Variants in MRTFB observed in about 807,000 individuals in gnomAD.
MRTFB encodes the protein myocardin related transcription factor B.
Under a neutral mutation model 104.2 loss-of-function variants are expected in MRTFB, and 29 were observed. The ratio of observed to expected loss-of-function variants is 0.28; its 90% CI spans 0.21 to 0.38. MRTFB has a LOEUF of 0.38. MRTFB is among the 10% of genes least tolerant of loss of function. The pLI, the probability that MRTFB is intolerant of heterozygous loss-of-function variation, is 1.00. For synonymous variants in MRTFB, 535 were observed against 519.5 expected, an observed-to-expected ratio of 1.03 and a Z score of -0.41; for missense variants, 1,270 against 1,341.6, an observed-to-expected ratio of 0.95 and a Z score of 0.83.
chr16:14,237,747 C>T (rs73518932), intron 9 of MRTFB, among the ~76,000 whole-genome samples: 9 of 151,946 alleles, frequency 5.9e-5, no homozygotes, highest in Admixed American at 3.9e-4. Context: ...CGCAGAGTCT[C>T]GGTGCAGGCA....
chr16:14,224,216 C>CCAACA (rs1336904778), intron 8 of MRTFB, among the ~76,000 whole-genome samples: 1 of 152,182 alleles, frequency 6.6e-6, no homozygotes, highest in Non-Finnish European at 1.5e-5. Context: ...GGCCCCTCTT[C>CCAACA]CAACACTTGG....
intron 2 of MRTFB, among the ~76,000 whole-genome samples, chr16:14,109,046 A>G (rs761147934): frequency 2.0e-5 from 3 of 152,178 alleles, no homozygotes; most frequent in Admixed American, 1.3e-4. Flanking sequence ...TAGCAAAATT[A>G]TTAGAAGAAA....
the MRTFB span, among the ~76,000 whole-genome samples, chr16:14,016,429 A>T: frequency 6.6e-6 from 1 of 151,900 alleles, no homozygotes; most frequent in African/African-American, 2.4e-5. Flanking sequence ...ACCCTCCATC[A>T]GTAACTATCG....
intron 2 of MRTFB, among the ~76,000 whole-genome samples, chr16:14,085,563 G>A (rs758422081): frequency 1.3e-5 from 2 of 149,818 alleles, no homozygotes; most frequent in Non-Finnish European, 3.0e-5. Flanking sequence ...AGTTAACATT[G>A]TTGACCATAT....
chr16:14,018,729 G>A, the MRTFB span, among the ~76,000 whole-genome samples: 4 of 152,090 alleles, frequency 2.6e-5, no homozygotes, highest in East Asian at 3.9e-4. Context: ...GGATCATTGC[G>A]CTTTCAAAGT....
At position 14,261,684 on chromosome 16, in the gene MRTFB, G is replaced by A. The variant is rs999428614; in HGVS notation, c.*240G>A. The A allele has an allele frequency of 2.0e-5, 9 of 446,382 alleles. No individual in the cohort carries two copies. The South Asian group carries it at 3.3e-4, about 16-fold the overall frequency. The allele number at this position is 446,382 out of a possible 1,614,324, so 27.7% of individuals were successfully genotyped here. On this transcript the variant is annotated 3_prime_UTR_variant, in exon 17 of 17. Transcript: ENST00000571589. ...TCTGAAAATCGCACTTGTCAAAGAC[G>A]ACTCATCTATTTCTCCAGACTTCAG...
chr16:14,200,181 A>G (rs1480659719), intron 3 of MRTFB: 15 of 858,306 alleles, frequency 1.7e-5, no homozygotes, highest in Non-Finnish European at 2.6e-5. Flanking sequence ...ATGAATGAGG[A>G]TATTCATTAT....
At chr16:14,050,192 T>C in the MRTFB span, among the ~76,000 whole-genome samples, 1,542 of 152,154 alleles carry the variant, frequency 0.01, 15 homozygotes, top group Non-Finnish European at 0.017. Flanking sequence ...CACAGAAATG[T>C]GGCAAAAATG....
At position 14,251,879 on chromosome 16, in the gene MRTFB, A is replaced by T. The variant is rs781129049; in HGVS notation, c.2421A>T (p.Ala807=). Residue 807 remains alanine, a synonymous_variant, in exon 14 of 17, where the codon GCA becomes GCT. Coordinates refer to ENST00000571589, the MANE Select transcript of MRTFB (RefSeq NM_001308142.2). Reference sequence around the variant, plus strand: ...CATTACAGGTTTTCACAAACTCAGCATCATCAAATACAGTTCTTCCATATC... The same window carrying T: ...CATTACAGGTTTTCACAAACTCAGCTTCATCAAATACAGTTCTTCCATATC... ...QQVRKVFTNS[A]SSNTVLPYQR... 6.2e-7 allele frequency: 1 copy of T among 1,614,082 alleles called. No homozygotes were observed. The highest frequency in any genetic ancestry group is 1.1e-5 in the South Asian group (1 of 91,076).
At chr16:14,246,035 G>T (rs1383573674) in intron 11 of MRTFB, among the ~76,000 whole-genome samples, 1 of 151,922 alleles carries the variant, frequency 6.6e-6, no homozygotes, top group Admixed American at 6.5e-5. Flanking sequence ...ATTATCTGTG[G>T]TACCTTCAGT....
At chr16:14,143,758 TA>T (rs1278187485) in intron 3 of MRTFB, 3 of 152,150 alleles carry the variant, frequency 2.0e-5, no homozygotes, top group African/African-American at 7.2e-5. Flanking sequence ...CTCTATAACA[TA>T]ATACTTGTTT....
At chr16:14,211,613 G>A (rs1027991065) in intron 4 of MRTFB, among the ~76,000 whole-genome samples, 7 of 152,138 alleles carry the variant, frequency 4.6e-5, no homozygotes, top group African/African-American at 1.7e-4. Flanking sequence ...GATAGAATAC[G>A]GTTGTAGGTG....
At position 14,228,992 on chromosome 16, in the gene MRTFB, G is replaced by A. The variant is rs146452082; in HGVS notation, c.694-5154G>A. On this transcript the variant is annotated intron_variant, in intron 8 of 16. Transcript: ENST00000571589. ...GAACATGAACAAGTCTGGAGGTTCC[G>A]GTAGTGATGGTTGCAGAACAATATA... is the stretch of plus-strand genomic sequence containing the variant. 3.3e-3 allele frequency among the ~76,000 whole-genome samples: 497 copies of A among 152,262 alleles called. 19 individuals carry two copies. The highest frequency in any genetic ancestry group is 5.6e-4 in the Non-Finnish European group (38 of 68,016).
At chr16:14,117,851 A>G (rs2036621014) in intron 2 of MRTFB, among the ~76,000 whole-genome samples, 1 of 152,222 alleles carries the variant, frequency 6.6e-6, no homozygotes, top group Admixed American at 6.5e-5. Context: ...AAAGCCATTC[A>G]TAGGTTTAAT....
At chr16:14,149,775 A>T (rs1181355999) in intron 3 of MRTFB, among the ~76,000 whole-genome samples, 1 of 152,186 alleles carries the variant, frequency 6.6e-6, no homozygotes, top group Non-Finnish European at 1.5e-5. Flanking sequence ...TCTTTAAAAG[A>T]CATTTCCCTG....
At chr16:14,040,420 A>T in the MRTFB span, among the ~76,000 whole-genome samples, 1 of 151,932 alleles carries the variant, frequency 6.6e-6, no homozygotes, top group Non-Finnish European at 1.5e-5. Context: ...TTATACTGCC[A>T]TCCACAAAGT....
chr16:14,207,538 ACT>A (rs923206288), intron 3 of MRTFB, among the ~76,000 whole-genome samples: 1 of 152,042 alleles, frequency 6.6e-6, no homozygotes, highest in African/African-American at 2.4e-5. Context: ...AGATCCTTGG[ACT>A]CTCTGGAGTG....
chr16:14,038,168 C>T, the MRTFB span, among the ~76,000 whole-genome samples: 26 of 152,062 alleles, frequency 1.7e-4, no homozygotes, highest in South Asian at 2.1e-4. Context: ...TGGTAGTAGA[C>T]GGCCATCTTC....
At chr16:14,072,385 C>T (rs976167460) in intron 1 of MRTFB, among the ~76,000 whole-genome samples, 1 of 152,152 alleles carries the variant, frequency 6.6e-6, no homozygotes, top group African/African-American at 2.4e-5. Flanking sequence ...AGGACATACT[C>T]TTGTGCTGGA....
Sources: gnomAD v4.1 joint callset for allele counts (sites outside exome capture counted in the v4.1 genomes callset) on GRCh38, gnomAD v4.1.1 for gene constraint, MANE v1.5 for transcripts, NCBI Gene and HGNC (gene_info 2026-07-23, HGNC 2026-07-21) for gene names.